The following DLG2 variants were observed in gnomAD, a reference collection of about 807,000 sequenced individuals.
DLG2 encodes disks large homolog 2.
Under a neutral mutation model 132.5 loss-of-function variants are expected in DLG2, and 45 were observed. The observed-to-expected ratio is 0.34, with a 90% confidence interval of 0.27 to 0.44. DLG2 has a LOEUF of 0.44. Ranked by LOEUF, DLG2 falls within the 20% of genes least tolerant of loss-of-function variation. The probability of loss-of-function intolerance (pLI) is 1.00; values close to 1 mark genes in which losing one functional copy is unlikely to be tolerated. For missense variants in DLG2, 1,045 were observed against 1,196.9 expected (o/e 0.87, Z 1.87); for synonymous variants, 424 against 419.6 (o/e 1.01, Z -0.13).
chr11:84,349,771 G>C (rs993666096), intron 7 of DLG2, among the ~76,000 whole-genome samples: 4 of 152,178 alleles, frequency 2.6e-5, no homozygotes, highest in African/African-American at 9.7e-5. Flanking sequence ...ACTTTTGGCA[G>C]AGAGGATTGT....
At chr11:83,617,492 T>C (rs1591026871) in intron 19 of DLG2, among the ~76,000 whole-genome samples, 1 of 152,232 alleles carries the variant, frequency 6.6e-6, no homozygotes, top group East Asian at 1.9e-4. Context: ...TTTAGTAAAA[T>C]TGCTAAAGTT....
At chr11:83,768,914 T>C (rs546129026) in intron 18 of DLG2, among the ~76,000 whole-genome samples, 83 of 152,348 alleles carry the variant, frequency 5.4e-4, no homozygotes, top group African/African-American at 1.9e-3. Context: ...CAGGCCATTA[T>C]CAGAATTTTG....
chr11:84,081,433 AG>A (rs2154155512), intron 10 of DLG2, among the ~76,000 whole-genome samples: 1 of 64,128 alleles, frequency 1.6e-5, no homozygotes, highest in South Asian at 5.9e-4. Flanking sequence ...TAATTTACAA[AG>A]AAAAAAGAAA....
intron 18 of DLG2, among the ~76,000 whole-genome samples, chr11:83,683,465 T>C (rs2079167581): frequency 6.6e-6 from 1 of 152,314 alleles, no homozygotes; most frequent in African/African-American, 2.4e-5. Flanking sequence ...TACACTAAAC[T>C]GCTAGAGGCA....
chr11:85,580,515 C>A (rs1332205602), intron 3 of DLG2, among the ~76,000 whole-genome samples: 1 of 152,214 alleles, frequency 6.6e-6, no homozygotes, highest in Non-Finnish European at 1.5e-5. Context: ...GTAGCAAACA[C>A]TTATTGAGCA....
chr11:85,088,182 G>A (rs2068239777), intron 6 of DLG2, among the ~76,000 whole-genome samples: 1 of 151,864 alleles, frequency 6.6e-6, no homozygotes, highest in Admixed American at 6.6e-5. Flanking sequence ...AAGAAGGTAA[G>A]GGAAAAAAAG....
intron 6 of DLG2, among the ~76,000 whole-genome samples, chr11:84,599,959 C>T (rs1312390301): frequency 6.7e-6 from 1 of 149,916 alleles, no homozygotes. Context: ...CTGAGCCCTG[C>T]GAGGCTGAGG....
chr11:84,893,746 A>G lies in DLG2; in HGVS notation c.357+217915T>C, dbSNP rs1022749614. The stretch of plus-strand genomic sequence containing the variant: ...TTTTGTTTCAAGCCACATAAATGTT[A>G]TGAATGAATCTCCCTGAGACATAGT... On this transcript the variant is annotated intron_variant, in intron 6 of 27. Transcript: ENST00000376104. Among the ~76,000 whole-genome samples, 9 of 152,196 alleles carry G rather than the reference A, an allele frequency of 5.9e-5. No individual in the cohort carries two copies. In the East Asian group the frequency reaches 1.7e-3, roughly 29 times the overall value.
intron 5 of DLG2, among the ~76,000 whole-genome samples, chr11:85,112,158 A>T (rs1039529209): frequency 1.8e-4 from 28 of 152,202 alleles, no homozygotes; most frequent in Non-Finnish European, 2.9e-5. Context: ...TAAGCTAGTG[A>T]TGGTGATTCT....
chr11:83,790,272 A>G (rs1455168928), intron 17 of DLG2: 1 of 926,360 alleles, frequency 1.1e-6, no homozygotes, highest in Non-Finnish European at 1.8e-6. Flanking sequence ...CTACCATTTG[A>G]GTGCCCAAGT....
intron 3 of DLG2, among the ~76,000 whole-genome samples, chr11:85,433,925 A>G (rs1448209703): frequency 6.6e-6 from 1 of 152,060 alleles, no homozygotes; most frequent in Admixed American, 6.6e-5. Context: ...GAGATAAAAC[A>G]CTCCTCAGCA....
chr11:83,761,945 A>T (rs1416738130), intron 18 of DLG2, among the ~76,000 whole-genome samples: 2 of 152,164 alleles, frequency 1.3e-5, no homozygotes, highest in Non-Finnish European at 2.9e-5. Context: ...CCAGGGAGTT[A>T]TTGTAATTAC....
intron 7 of DLG2, among the ~76,000 whole-genome samples, chr11:84,323,720 C>CTTTTTTT (rs35283044): frequency 7.3e-5 from 9 of 123,770 alleles, no homozygotes; most frequent in Non-Finnish European, 1.2e-4. Flanking sequence ...TTCTTTTTTC[C>CTTTTTTT]TTTTTTTTTT....
chr11:85,286,181 G>A (rs775465473), intron 3 of DLG2: 12 of 415,302 alleles, frequency 2.9e-5, no homozygotes, highest in Non-Finnish European at 4.7e-5. Context: ...TGGTAAACTT[G>A]TGTCCTGTTG....
At chr11:84,332,748 T>G (rs1025659652) in intron 7 of DLG2, among the ~76,000 whole-genome samples, 8 of 152,088 alleles carry the variant, frequency 5.3e-5, no homozygotes, top group African/African-American at 1.9e-4. Flanking sequence ...GTCTATGAGG[T>G]AGGCAGCACA....
intron 7 of DLG2, among the ~76,000 whole-genome samples, chr11:84,374,488 T>G (rs1431854526): frequency 6.6e-6 from 1 of 152,144 alleles, no homozygotes; most frequent in Non-Finnish European, 1.5e-5. Flanking sequence ...AATCTGTGAT[T>G]TTTTTTAGCC....
At chr11:83,786,316 T>A (rs1594341047) in intron 18 of DLG2, 1 of 182,680 alleles carries the variant, frequency 5.5e-6, no homozygotes, top group Non-Finnish European at 1.2e-5. Context: ...GGAGAGAATA[T>A]GGTCTACTGG....
chr11:85,561,764 C>T lies in DLG2; in HGVS notation c.40+36893G>A, dbSNP rs145515007. Among the ~76,000 whole-genome samples the T allele has an allele frequency of 5.3e-3, 813 of 151,986 alleles. 14 individuals carry two copies. Among genetic ancestry groups the T allele is most frequent in the African/African-American group, 0.018 (755 of 41,512 alleles). ...AAACTGGTACAGTTCTCTCAGATCT[C>T]TAAGTCTTCTCACTGAAATTTCTCT... On this transcript the variant is annotated intron_variant, in intron 3 of 27. Transcript: ENST00000376104.
chr11:84,320,459 C>T (rs1029877222), intron 7 of DLG2, among the ~76,000 whole-genome samples: 1 of 152,048 alleles, frequency 6.6e-6, no homozygotes, highest in Non-Finnish European at 1.5e-5. Context: ...AAGTAATACG[C>T]CAAATAATCA....
Sources: allele counts gnomAD v4.1 joint callset (sites outside exome capture counted in the v4.1 genomes callset), GRCh38; gene constraint gnomAD v4.1.1; transcripts MANE v1.5; gene names NCBI Gene and HGNC (gene_info 2026-07-23, HGNC 2026-07-21).